The following ANK2 variants were observed in gnomAD, a reference collection of about 807,000 sequenced individuals.
The protein encoded by ANK2 is ankyrin 2, also known as ankyrin-2.
ANK2 carries 83 observed loss-of-function variants against 360.5 expected under a neutral mutation model. The observed-to-expected ratio is 0.23, with a 90% CI of 0.19 to 0.28. The LOEUF is 0.28. Ranked by LOEUF, ANK2 falls within the 10% of genes least tolerant of loss-of-function variation. The pLI is 1.00. For missense variants in ANK2, 4,201 were observed against 4,795.7 expected (o/e 0.88, Z 3.66); for synonymous variants, 1,740 against 1,759.5 (o/e 0.99, Z 0.28).
chr4:113,253,413 A>G (rs2047565099), intron 10 of ANK2, among the ~76,000 whole-genome samples: 1 of 152,148 alleles, frequency 6.6e-6, no homozygotes, highest in Admixed American at 6.5e-5. Context: ...ACGAGTGTAC[A>G]TCTCCAGAAT....
At chr4:113,376,241 T>C (rs1429278591) in intron 45 of ANK2, among the ~76,000 whole-genome samples, 1 of 152,250 alleles carries the variant, frequency 6.6e-6, no homozygotes, top group Non-Finnish European at 1.5e-5. Flanking sequence ...ACTATACTTC[T>C]AGGTTATATG....
chr4:113,244,433 G>A (rs1190383826), intron 9 of ANK2, among the ~76,000 whole-genome samples: 2 of 152,086 alleles, frequency 1.3e-5, no homozygotes, highest in Non-Finnish European at 2.9e-5. Context: ...CCCTTGATTT[G>A]TAGCATTACC....
At position 113,353,959 on chromosome 4, in the gene ANK2, C is replaced by G. The variant is rs2095573262; in HGVS notation, c.5341C>G (p.Gln1781Glu). 1.9e-6 allele frequency: 3 copies of G among 1,614,018 alleles called. No individual in the cohort carries two copies. Among genetic ancestry groups the G allele is most frequent in the Non-Finnish European group, 2.5e-6 (3 of 1,179,952 alleles). The change falls in exon 38 of 46, where the codon CAG becomes GAG. Residue 1781 changes from glutamine to glutamate, a missense_variant. Coordinates refer to ENST00000357077, the MANE Select transcript of ANK2 (RefSeq NM_001148.6). ...KALQKRVEDEQKGRSKLPIRV... is the reference protein window; with the variant it reads ...KALQKRVEDEEKGRSKLPIRV... ...CCTTCAGAAGCGAGTGGAAGATGAA[C>G]AGAAAGGTCGAAGCAAGTTGCCCAT...
chr4:113,079,895 G>GA lies in ANK2; in HGVS notation c.84+30085dup, dbSNP rs199907312. Among the ~76,000 whole-genome samples the GA allele has an allele frequency of 1.9e-3, 111 of 58,394 alleles. 1 individual carries two copies. Among genetic ancestry groups the GA allele is most frequent in the East Asian group, 0.012 (48 of 4,024 alleles). The allele number at this position is 58,394 out of a possible 152,430, so 38.3% of individuals were successfully genotyped here. The stretch of plus-strand genomic sequence containing the variant: ...TAAAGTGAACCTGTTATCACCCTGA[G>GA]AATTTTTTTTTTTTTTTTTTTGAGA... On this transcript the variant is annotated intron_variant, in intron 1 of 45. Coordinates refer to ENST00000357077, the MANE Select transcript of ANK2 (RefSeq NM_001148.6).
intron 4 of ANK2, among the ~76,000 whole-genome samples, chr4:113,216,685 G>A (rs1190109506): frequency 6.6e-6 from 1 of 152,126 alleles, no homozygotes; most frequent in African/African-American, 2.4e-5. Context: ...ATATACCCAG[G>A]AAGAACAACA....
At chr4:113,237,925 A>G (rs536027848) in intron 7 of ANK2, among the ~76,000 whole-genome samples, 32 of 152,180 alleles carry the variant, frequency 2.1e-4, no homozygotes, top group Non-Finnish European at 3.7e-4. Context: ...TCAAGAAGAG[A>G]TATGATTTTA....
intron 39 of ANK2, among the ~76,000 whole-genome samples, chr4:113,361,444 C>T: frequency 6.6e-6 from 1 of 151,262 alleles, no homozygotes; most frequent in African/African-American, 2.4e-5. Context: ...AATCAATATA[C>T]TTTATTTACA....
At chr4:113,153,015 A>G (rs985013824) in intron 1 of ANK2, among the ~76,000 whole-genome samples, 1 of 152,238 alleles carries the variant, frequency 6.6e-6, no homozygotes, top group African/African-American at 2.4e-5. Context: ...GTGTAATAGT[A>G]GAGATTATAA....
intron 2 of ANK2, among the ~76,000 whole-genome samples, chr4:112,912,200 T>C (rs926350032): frequency 1.3e-5 from 2 of 150,318 alleles, no homozygotes; most frequent in African/African-American, 4.9e-5. Context: ...AAGAAACTGA[T>C]GTGGCACTTT....
In ANK2 at chr4:112,831,980, G is replaced by A. The variant is rs937715670; in HGVS notation, c.-40+13716G>A. Among the ~76,000 whole-genome samples, 4 of 152,072 alleles carry A rather than the reference G, an allele frequency of 2.6e-5. 1 individual carries two copies. The highest frequency in any genetic ancestry group is 7.2e-5 in the African/African-American group (3 of 41,404). ...ACATCTGAAGGAAAAAACTCCAGAC[G>A]CACCATCTTTAAGAACTGTAACACT... On this transcript the variant is annotated intron_variant, in intron 1 of 30. Transcript: ENST00000503271.
chr4:113,050,653 A>G (rs943595848), intron 1 of ANK2, among the ~76,000 whole-genome samples: 34 of 152,220 alleles, frequency 2.2e-4, no homozygotes, highest in Non-Finnish European at 3.5e-4. Flanking sequence ...GAGATGCTCT[A>G]TAAATAAATT....
the ANK2 span, among the ~76,000 whole-genome samples, chr4:112,741,476 C>T: frequency 7.2e-5 from 11 of 152,186 alleles, no homozygotes; most frequent in Non-Finnish European, 1.3e-4. Flanking sequence ...TGGTCAGGAT[C>T]GGTGGGCCCT....
chr4:113,127,545 TA>T, intron 1 of ANK2, among the ~76,000 whole-genome samples: 1 of 152,184 alleles, frequency 6.6e-6, no homozygotes, highest in Middle Eastern at 3.4e-3. Context: ...TAATATGAAA[TA>T]GCTGGTTGCT....
At chr4:113,199,470 A>G (rs6850181) in intron 4 of ANK2, among the ~76,000 whole-genome samples, 1 of 152,058 alleles carries the variant, frequency 6.6e-6, no homozygotes, top group Non-Finnish European at 1.5e-5. Flanking sequence ...TTTAAAATAT[A>G]CTTGAAAGAT....
At chr4:112,925,383 T>C (rs2092398009) in intron 2 of ANK2, among the ~76,000 whole-genome samples, 1 of 152,222 alleles carries the variant, frequency 6.6e-6, no homozygotes, top group Non-Finnish European at 1.5e-5. Flanking sequence ...CATCCATCTG[T>C]TTTCTATCTG....
At chr4:113,283,413 C>T (rs1431430751) in intron 18 of ANK2, among the ~76,000 whole-genome samples, 1 of 152,036 alleles carries the variant, frequency 6.6e-6, no homozygotes, top group African/African-American at 2.4e-5. Flanking sequence ...TTTCCATCAA[C>T]GTAGGCCTAG....
chr4:113,105,298 T>C (rs1475329811), intron 1 of ANK2, among the ~76,000 whole-genome samples: 3 of 152,144 alleles, frequency 2.0e-5, no homozygotes, highest in African/African-American at 7.2e-5. Context: ...AAAGAATTCC[T>C]TAATTCCTTA....
At chr4:113,137,518 G>T (rs1270589741) in intron 1 of ANK2, among the ~76,000 whole-genome samples, 1 of 152,128 alleles carries the variant, frequency 6.6e-6, no homozygotes, top group African/African-American at 2.4e-5. Context: ...TAAGGAACTG[G>T]TAGAAAAGGA....
At chr4:113,061,277 A>AC (rs1031056290) in intron 1 of ANK2, among the ~76,000 whole-genome samples, 3 of 152,252 alleles carry the variant, frequency 2.0e-5, no homozygotes, top group African/African-American at 7.2e-5. Context: ...ACTTACTGTA[A>AC]CAAAACGCCT....
Sources: gnomAD v4.1 joint callset for allele counts (sites outside exome capture counted in the v4.1 genomes callset) on GRCh38, gnomAD v4.1.1 for gene constraint, MANE v1.5 for transcripts, NCBI Gene and HGNC (gene_info 2026-07-23, HGNC 2026-07-21) for gene names.